The following TEAD1 variants were observed in gnomAD, a reference collection of about 807,000 sequenced individuals.
TEAD1 encodes the protein transcriptional enhancer factor TEF-1.
A neutral mutation model predicts 54.9 loss-of-function variants in TEAD1; 9 were observed. The ratio of observed to expected loss-of-function variants is 0.16; its 90% CI spans 0.10 to 0.29. The LOEUF is 0.29. Ranked by LOEUF, TEAD1 falls within the 10% of genes least tolerant of loss-of-function variation. The probability of loss-of-function intolerance (pLI) is 1.00; values close to 1 mark genes in which losing one functional copy is unlikely to be tolerated. For missense variants in TEAD1, 387 were observed against 535.9 expected, an observed-to-expected ratio of 0.72 and a Z score of 2.74; for synonymous variants, 200 against 187.8, an observed-to-expected ratio of 1.07 and a Z score of -0.53.
chr11:12,883,814 C>G (rs1948025745), intron 9 of TEAD1, among the ~76,000 whole-genome samples: 1 of 152,142 alleles, frequency 6.6e-6, no homozygotes, highest in Admixed American at 6.5e-5. Context: ...GAGATCAAGA[C>G]CATCTTGGCC....
rs1015182836 is a variant in TEAD1, at chr11:12,941,045, G to A, written c.*3823G>A. The A allele has an allele frequency of 1.3e-5, 2 of 152,396 alleles. No homozygotes were observed. The highest frequency in any genetic ancestry group is 4.8e-5 in the African/African-American group (2 of 41,562). The allele number at this position is 152,396 out of a possible 1,614,324, so 9.4% of individuals were successfully genotyped here. A position where few individuals can be genotyped will look rare whatever the true frequency, so the allele number is the denominator to read the frequency against. On this transcript the variant is annotated 3_prime_UTR_variant, in exon 13 of 13. Coordinates refer to ENST00000527636, the MANE Select transcript of TEAD1 (RefSeq NM_021961.6). The stretch of plus-strand genomic sequence containing the variant: ...TAGTGACAGAAAAAGCGTGAGAGTT[G>A]TCTAGGATTCCTGCCACTTTGGTCC...
intron 12 of TEAD1, 114 bp downstream of exon 12, chr11:12,930,440 T>C (rs1665245710): frequency 6.9e-6 from 9 of 1,298,590 alleles, no homozygotes; most frequent in Non-Finnish European, 9.9e-6. Flanking sequence ...GACCAGGTTG[T>C]TGGATTGGGT....
chr11:12,676,515 T>C (rs1943094761), intron 2 of TEAD1, among the ~76,000 whole-genome samples: 1 of 152,250 alleles, frequency 6.6e-6, no homozygotes, highest in Non-Finnish European at 1.5e-5. Context: ...GTGCCCCGCT[T>C]CTGTAAACAG....
chr11:12,687,573 T>C (rs1943360371), intron 2 of TEAD1, among the ~76,000 whole-genome samples: 1 of 152,214 alleles, frequency 6.6e-6, no homozygotes, highest in African/African-American at 2.4e-5. Context: ...TCCGGTTTTC[T>C]TGTGGCATTT....
intron 3 of TEAD1, among the ~76,000 whole-genome samples, chr11:12,820,824 C>G (rs551944232): frequency 2.0e-4 from 31 of 152,210 alleles, no homozygotes; most frequent in African/African-American, 7.5e-4. Context: ...GGTACATTAA[C>G]TTAAATAAAT....
intron 5 of TEAD1, chr11:12,879,444 G>C (rs1947921772): frequency 1.6e-6 from 1 of 615,346 alleles, no homozygotes; most frequent in East Asian, 2.7e-5. Flanking sequence ...CCACTCTTCT[G>C]AGAGGCTTCA....
intron 3 of TEAD1, among the ~76,000 whole-genome samples, chr11:12,843,567 G>C (rs1362355052): frequency 1.3e-5 from 2 of 152,176 alleles, no homozygotes; most frequent in East Asian, 1.9e-4. Flanking sequence ...TGCTGCTTTT[G>C]TTGTGACAAG....
chr11:12,848,844 G>A (rs1337607799), intron 3 of TEAD1: 1 of 151,804 alleles, frequency 6.6e-6, no homozygotes, highest in Non-Finnish European at 1.5e-5. Context: ...TAGCTACTCA[G>A]GAGACTGAGG....
rs545152847 is a variant in TEAD1 at position 12,944,218 on chromosome 11, G to C, written c.*6996G>C. On this transcript the variant is annotated 3_prime_UTR_variant, in exon 13 of 13. Coordinates refer to ENST00000527636, the MANE Select transcript of TEAD1 (RefSeq NM_021961.6). The stretch of plus-strand genomic sequence containing the variant: ...CCTTCGGGTAACTGGGTTCCTCTTG[G>C]GTAGATTGGAGAGATGGGGGTGGGC... 2.0e-5 allele frequency: 3 copies of C among 152,522 alleles called. No homozygotes were observed. The highest frequency in any genetic ancestry group is 7.2e-5 in the African/African-American group (3 of 41,406). The allele number at this position is 152,522 out of a possible 1,614,324, so 9.4% of individuals were successfully genotyped here. A position where few individuals can be genotyped will look rare whatever the true frequency, so the allele number is the denominator to read the frequency against.
At chr11:12,680,022 C>G (rs1029050522) in intron 2 of TEAD1, among the ~76,000 whole-genome samples, 1 of 141,864 alleles carries the variant, frequency 7.0e-6, no homozygotes, top group Non-Finnish European at 1.5e-5. Flanking sequence ...TTATTACCAT[C>G]TGCAAAAATG....
chr11:12,763,158 A>T (rs1015681829), intron 2 of TEAD1, among the ~76,000 whole-genome samples: 1 of 152,206 alleles, frequency 6.6e-6, no homozygotes, highest in Non-Finnish European at 1.5e-5. Flanking sequence ...TGCCAGTTTG[A>T]CATTTGTTTG....
intron 3 of TEAD1, among the ~76,000 whole-genome samples, chr11:12,846,010 G>A (rs917191074): frequency 6.6e-6 from 1 of 152,302 alleles, no homozygotes; most frequent in Admixed American, 6.5e-5. Flanking sequence ...TTTGATCTGC[G>A]AATCAGGCCA....
intron 10 of TEAD1, among the ~76,000 whole-genome samples, chr11:12,916,135 A>T (rs1948708101): frequency 6.6e-6 from 1 of 152,160 alleles, no homozygotes; most frequent in African/African-American, 2.4e-5. Flanking sequence ...CACTCAACAC[A>T]CGTGTTAATG....
chr11:12,911,315 T>C (rs771069946), intron 10 of TEAD1, among the ~76,000 whole-genome samples: 1 of 152,152 alleles, frequency 6.6e-6, no homozygotes, highest in Non-Finnish European at 1.5e-5. Context: ...CCCACCCCCA[T>C]TGGAGTCTCA....
At chr11:12,792,640 A>G (rs917290560) in intron 3 of TEAD1, among the ~76,000 whole-genome samples, 1 of 152,132 alleles carries the variant, frequency 6.6e-6, no homozygotes, top group African/African-American at 2.4e-5. Context: ...AAGTTCCCCA[A>G]CCTCTGTTCA....
chr11:12,935,608 C>T (rs190601168), intron 12 of TEAD1, among the ~76,000 whole-genome samples: 2 of 152,164 alleles, frequency 1.3e-5, no homozygotes, highest in African/African-American at 2.4e-5. Context: ...TACAGGCTCC[C>T]GCCACTGTGC....
Position 12,939,148 on chromosome 11 carries a change from C to G in TEAD1, c.*1926C>G, listed in dbSNP as rs936627976. 3.3e-5 allele frequency: 5 copies of G among 152,190 alleles called. No homozygotes were observed. The highest frequency in any genetic ancestry group is 1.2e-4 in the African/African-American group (5 of 41,436). 9.4% of individuals were successfully genotyped at this position (152,190 alleles called of 1,614,324 possible). On this transcript the variant is annotated 3_prime_UTR_variant, in exon 13 of 13. Coordinates refer to ENST00000527636, the MANE Select transcript of TEAD1 (RefSeq NM_021961.6). ...GCAAAACTGTCCCCATTTGGAATGC[C>G]CATTCCTTCTAGAAACCAGTTGGAC...
At chr11:12,866,350 G>T (rs895146085) in intron 5 of TEAD1, among the ~76,000 whole-genome samples, 1 of 152,196 alleles carries the variant, frequency 6.6e-6, no homozygotes, top group African/African-American at 2.4e-5. Flanking sequence ...TGCACTGTCT[G>T]TGTGGTTCCT....
At chr11:12,682,022 G>A (rs183847004) in intron 2 of TEAD1, among the ~76,000 whole-genome samples, 12 of 152,298 alleles carry the variant, frequency 7.9e-5, no homozygotes, top group African/African-American at 2.6e-4. Context: ...TGTAGGCTTA[G>A]GTGCGTTGTG....
Sources: gnomAD v4.1 joint callset for allele counts (sites outside exome capture counted in the v4.1 genomes callset) on GRCh38, gnomAD v4.1.1 for gene constraint, MANE v1.5 for transcripts, NCBI Gene and HGNC (gene_info 2026-07-23, HGNC 2026-07-21) for gene names.